Variants in MYO18B observed in about 807,000 individuals in gnomAD.
MYO18B encodes the protein myosin XVIIIB.
MYO18B carries 204 observed loss-of-function variants against 273.0 expected under a neutral mutation model. The ratio of observed to expected loss-of-function variants is 0.75; its 90% CI spans 0.67 to 0.84. The LOEUF is 0.84. Among genes scored for constraint, MYO18B ranks in the 40% least tolerant of loss-of-function variants. The pLI is 0.00. For missense variants in MYO18B, 3,212 were observed against 3,287.6 expected, an observed-to-expected ratio of 0.98 and a Z score of 0.56; for synonymous variants, 1,330 against 1,305.7, an observed-to-expected ratio of 1.02 and a Z score of -0.40.
At chr22:25,994,295 C>T (rs1047054174) in intron 40 of MYO18B, among the ~76,000 whole-genome samples, 6 of 152,032 alleles carry the variant, frequency 3.9e-5, no homozygotes, top group African/African-American at 1.4e-4. Flanking sequence ...AAGGAGTCTC[C>T]ATCTCTACAA....
At chr22:25,844,653 ACAG>A (rs2090182128) in intron 18 of MYO18B, among the ~76,000 whole-genome samples, 1 of 152,248 alleles carries the variant, frequency 6.6e-6, no homozygotes, top group African/African-American at 2.4e-5. Flanking sequence ...CTTTGCTCAC[ACAG>A]CAGAACAGTG....
chr22:25,748,988 G>A (rs1436509747), intron 1 of MYO18B, among the ~76,000 whole-genome samples: 1 of 152,168 alleles, frequency 6.6e-6, no homozygotes, highest in Admixed American at 6.5e-5. Context: ...GATGGCAATA[G>A]ATAGCACTTA....
intron 42 of MYO18B, among the ~76,000 whole-genome samples, chr22:26,012,699 C>G (rs186761099): frequency 6.6e-6 from 1 of 152,064 alleles, no homozygotes; most frequent in South Asian, 2.1e-4. Flanking sequence ...GGTCTATGGA[C>G]CTTTTAGAAA....
chr22:26,057,626 C>G, the MYO18B span, among the ~76,000 whole-genome samples: 1 of 150,792 alleles, frequency 6.6e-6, no homozygotes, highest in African/African-American at 2.4e-5. Context: ...GAAATATTGA[C>G]ACTCATTTGG....
At chr22:25,959,794 G>A (rs1381509251) in intron 39 of MYO18B, among the ~76,000 whole-genome samples, 1 of 152,188 alleles carries the variant, frequency 6.6e-6, no homozygotes, top group Non-Finnish European at 1.5e-5. Flanking sequence ...GGGCTGCAGG[G>A]TCAGAAAGGG....
At chr22:25,974,323 A>T (rs1478573962) in intron 39 of MYO18B, among the ~76,000 whole-genome samples, 1 of 152,352 alleles carries the variant, frequency 6.6e-6, no homozygotes, top group East Asian at 1.9e-4. Flanking sequence ...GCATAATATT[A>T]AAATCTTATT....
rs772371059 is a variant in MYO18B at position 26,027,675 on chromosome 22, G to T, written c.7701G>T (p.Lys2567Asn). Reference sequence around the variant, plus strand: ...GCATAATGAAGAAATACCTCCAGAAGTAGGAACCAGTTCAGGTAAAAGCAA... The same window carrying T: ...GCATAATGAAGAAATACCTCCAGAATTAGGAACCAGTTCAGGTAAAAGCAA... ...VASIMKKYLQ[K>N] is the part of the protein sequence containing the mutation. Residue 2567 changes from lysine to asparagine, a missense_variant, in exon 43 of 44, where the codon AAG becomes AAT. Transcript: ENST00000335473. This position sits in a 1 kb window ranked among gnomAD's most constrained non-coding sequence, Gnocchi z 4.1. 5 of 1,607,956 alleles carry T rather than the reference G, an allele frequency of 3.1e-6. No homozygotes were observed. The East Asian group carries it at 9.0e-5, about 29-fold the overall frequency.
rs761991652 is a variant in MYO18B, at chr22:25,883,931, A to T, written c.4314+5883A>T. On this transcript the variant is annotated intron_variant, in intron 25 of 43. Coordinates refer to ENST00000335473, the MANE Select transcript of MYO18B (RefSeq NM_032608.7). This position sits in a 1 kb window ranked among gnomAD's most constrained non-coding sequence, Gnocchi z 7.6. ...TGCAAACTGGGGTTTTTTTATTTTC[A>T]TAAGAAGGCAGTGCTGGCCTTCTTG... is the stretch of plus-strand genomic sequence containing the variant. 6.6e-6 allele frequency among the ~76,000 whole-genome samples: 1 copy of T among 152,144 alleles called. No homozygotes were observed. The highest frequency in any genetic ancestry group is 1.5e-5 in the Non-Finnish European group (1 of 68,012).
At chr22:25,836,956 C>T (rs1381545539) in intron 17 of MYO18B, among the ~76,000 whole-genome samples, 1 of 142,822 alleles carries the variant, frequency 7.0e-6, no homozygotes, top group Non-Finnish European at 1.5e-5. Context: ...GAGTGAAATT[C>T]CATCTCAAAA....
rs576632133 is a variant in MYO18B, at chr22:25,745,373, G to C, written c.-110+3080G>C. Reference sequence around the variant, plus strand: ...GATCCACCCACCTCAGCCTCCCAAAGTGTTGGGATTACAGGCGTGGAACCA... The same window carrying C: ...GATCCACCCACCTCAGCCTCCCAAACTGTTGGGATTACAGGCGTGGAACCA... On this transcript the variant is annotated intron_variant, in intron 1 of 43. Coordinates refer to ENST00000335473, the MANE Select transcript of MYO18B (RefSeq NM_032608.7). 1.3e-3 allele frequency among the ~76,000 whole-genome samples: 200 copies of C among 152,236 alleles called. 3 individuals carry two copies. Among genetic ancestry groups the C allele is most frequent in the Middle Eastern group, 0.01 (3 of 294 alleles).
intron 25 of MYO18B, among the ~76,000 whole-genome samples, chr22:25,887,354 G>A (rs1013727274): frequency 2.0e-5 from 3 of 152,040 alleles, no homozygotes; most frequent in East Asian, 3.9e-4. Flanking sequence ...CTCACTGCTC[G>A]CCCAAGCTGC....
At position 25,922,950 on chromosome 22, in the gene MYO18B, C is replaced by A. The variant is rs553663696; in HGVS notation, c.5517+1541C>A. Among the ~76,000 whole-genome samples the A allele has an allele frequency of 7.2e-5, 11 of 152,286 alleles. No homozygotes were observed. In the South Asian group the frequency reaches 1.2e-3, roughly 17 times the overall value. ...TTGATTTGAATTTCACCAGTCTCTC[C>A]CATTTCCTCTCCCGGGATCCAACCC... On this transcript the variant is annotated intron_variant, in intron 34 of 43. Transcript: ENST00000335473.
chr22:25,949,453 C>T (rs2092766247), intron 36 of MYO18B, among the ~76,000 whole-genome samples: 1 of 151,806 alleles, frequency 6.6e-6, no homozygotes, highest in Admixed American at 6.6e-5. Context: ...GATGTGGAAT[C>T]CCCAGCAGAT....
At chr22:25,993,891 G>A (rs1427910736) in intron 40 of MYO18B, among the ~76,000 whole-genome samples, 1 of 141,172 alleles carries the variant, frequency 7.1e-6, no homozygotes, top group Non-Finnish European at 1.5e-5. Flanking sequence ...GAGGAAAGGC[G>A]TTACGGGTGA....
chr22:25,862,936 T>C lies in MYO18B; in HGVS notation c.3886-5384T>C, dbSNP rs140392688. On this transcript the variant is annotated intron_variant, in intron 21 of 43. Coordinates refer to ENST00000335473, the MANE Select transcript of MYO18B (RefSeq NM_032608.7). ...CTTTCTCCTCTTCTTCTGAGACTCC[T>C]GTTGTGCATATATTGGCACGCTTGA... Among the ~76,000 whole-genome samples the C allele has an allele frequency of 3.6e-4, 55 of 152,222 alleles. 1 individual carries two copies. In the East Asian group the frequency reaches 0.01, roughly 28 times the overall value.
intron 28 of MYO18B, among the ~76,000 whole-genome samples, chr22:25,896,041 A>T (rs16980992): frequency 1.3e-3 from 203 of 151,636 alleles, no homozygotes; most frequent in African/African-American, 4.8e-3. Flanking sequence ...CTTTGATGGG[A>T]GCCCTTTGAT....
chr22:25,809,134 G>A (rs549121281), intron 12 of MYO18B, among the ~76,000 whole-genome samples: 4 of 152,128 alleles, frequency 2.6e-5, no homozygotes, highest in East Asian at 3.9e-4. Context: ...GTAGAGATGG[G>A]GTTTCACCAT....
chr22:25,851,233 G>A (rs1354629965), intron 20 of MYO18B, among the ~76,000 whole-genome samples: 2 of 152,276 alleles, frequency 1.3e-5, no homozygotes, highest in East Asian at 3.9e-4. Context: ...CAAACTTTCA[G>A]TGGAGCATTT....
intron 40 of MYO18B, among the ~76,000 whole-genome samples, chr22:25,994,367 G>A (rs1933007114): frequency 6.6e-6 from 1 of 152,354 alleles, no homozygotes; most frequent in South Asian, 2.1e-4. Context: ...TCAGGAGGCT[G>A]AGGTAGGAGG....
Sources: gnomAD v4.1 joint callset for allele counts (sites outside exome capture counted in the v4.1 genomes callset) on GRCh38, gnomAD v4.1.1 for gene constraint, Gnocchi (gnomAD v3.1) non-coding constraint, MANE v1.5 for transcripts, NCBI Gene and HGNC (gene_info 2026-07-23, HGNC 2026-07-21) for gene names.